The following SMG9 variants were observed in gnomAD, a reference collection of about 807,000 sequenced individuals.
The protein encoded by SMG9 is SMG9 nonsense mediated mRNA decay factor, also known as nonsense-mediated mRNA decay factor SMG9.
Under a neutral mutation model 64.0 loss-of-function variants are expected in SMG9, and 55 were observed. That is an observed-to-expected ratio of 0.86 (90% CI 0.69 to 1.08). The LOEUF (loss-of-function observed/expected upper bound fraction) is 1.08, where lower values mean the gene tolerates loss of function less well. Among genes scored for constraint, SMG9 ranks in the 50% least tolerant of loss-of-function variants. The probability of loss-of-function intolerance (pLI) is 0.00; values close to 1 mark genes in which losing one functional copy is unlikely to be tolerated. For synonymous variants in SMG9, 244 were observed against 254.8 expected, an observed-to-expected ratio of 0.96 and a Z score of 0.41; for missense variants, 554 against 681.3, an observed-to-expected ratio of 0.81 and a Z score of 2.08.
Position 43,731,385 on chromosome 19 carries a change from T to C in SMG9, c.*211A>G. On this transcript the variant is annotated 3_prime_UTR_variant, in exon 14 of 14. Transcript: ENST00000270066. ...GGGCTACCCCATCTCAGGTTTGGGGTGGGATCGCTCACAGTCACCCCCGGA... is the reference window on the plus strand; with the variant it reads ...GGGCTACCCCATCTCAGGTTTGGGGCGGGATCGCTCACAGTCACCCCCGGA... 1 of 1,372,822 alleles carries C rather than the reference T, an allele frequency of 7.3e-7. No individual in the cohort carries two copies. The allele number at this position is 1,372,822 out of a possible 1,614,324, so 85.0% of individuals were successfully genotyped here. A position where few individuals can be genotyped will look rare whatever the true frequency, so the allele number is the denominator to read the frequency against.
At position 43,737,610 on chromosome 19, in the gene SMG9, G is replaced by C; in HGVS notation, c.982C>G (p.Leu328Val). The C allele has an allele frequency of 6.2e-7, 1 of 1,613,774 alleles. No homozygotes were observed. Among genetic ancestry groups the C allele is most frequent in the Non-Finnish European group, 8.5e-7 (1 of 1,179,822 alleles). Residue 328 changes from leucine to valine, a missense_variant, in exon 9 of 14, where the codon CTC becomes GTC. By Grantham distance (32) the Leu-to-Val change is conservative. Coordinates refer to ENST00000270066, the MANE Select transcript of SMG9 (RefSeq NM_019108.4). ...VIVVQDWFTD[L>V]SLYRFLQTAE... ...TCAGCTCCTCACCTGTAGAGACTGA[G>C]GTCTGTGAACCAGTCCTGGACAACA...
intron 5 of SMG9, among the ~76,000 whole-genome samples, chr19:43,746,977 C>T (rs1969032025): frequency 6.6e-6 from 1 of 152,016 alleles, no homozygotes; most frequent in African/African-American, 2.4e-5. Context: ...GCCACCATGC[C>T]TGGCTAATTT....
At chr19:43,738,002 C>T (rs1968729401) in intron 8 of SMG9, 120 bp downstream of exon 8, 2 of 944,230 alleles carry the variant, frequency 2.1e-6, no homozygotes, top group South Asian at 1.4e-5. Context: ...GCCCTTGGGG[C>T]AGCCAGGGCT....
At position 43,728,053 on chromosome 19, in the gene SMG9, A is replaced by G. The variant is rs1968359207; in HGVS notation, c.*3543T>C. The G allele has an allele frequency of 6.6e-6, 1 of 152,206 alleles. No homozygotes were observed. Among genetic ancestry groups the G allele is most frequent in the Non-Finnish European group, 1.5e-5 (1 of 68,030 alleles). The allele number at this position is 152,206 out of a possible 1,614,324, so 9.4% of individuals were successfully genotyped here. ...AGGATTGCAAAATGCTATGTGCCCAATGCAGACCTGGCACCTGTGGATGAT... is the reference window on the plus strand; with the variant it reads ...AGGATTGCAAAATGCTATGTGCCCAGTGCAGACCTGGCACCTGTGGATGAT... On this transcript the variant is annotated 3_prime_UTR_variant, in exon 14 of 14. Coordinates refer to ENST00000270066, the MANE Select transcript of SMG9 (RefSeq NM_019108.4).
Position 43,732,912 on chromosome 19 carries a change from A to G in SMG9, c.1430T>C (p.Val477Ala), listed in dbSNP as rs753467066. 6.2e-7 allele frequency: 1 copy of G among 1,613,882 alleles called. No individual in the cohort carries two copies. The highest frequency in any genetic ancestry group is 1.7e-5 in the Admixed American group (1 of 60,000). The change falls in exon 13 of 14, where the codon GTG (valine) becomes GCG (alanine). Residue 477 changes from valine to alanine, a missense_variant. Coordinates refer to ENST00000270066, the MANE Select transcript of SMG9 (RefSeq NM_019108.4). ...CAGCTGTGGCCGGGCCATGGACATC[A>G]CTTGGCTCCGGAGCTTGCTCACCAA... ...QSLVSKLRSQ[V>A]MSMARPQLSH...
chr19:43,738,087 A>G (rs1289050174), intron 8 of SMG9, 35 bp downstream of exon 8: 27 of 1,595,540 alleles, frequency 1.7e-5, no homozygotes, highest in Non-Finnish European at 2.1e-5. Flanking sequence ...TGGGGATGTA[A>G]AACCTCAGTC....
intron 1 of SMG9, among the ~76,000 whole-genome samples, chr19:43,752,112 C>T (rs1235409337): frequency 2.0e-5 from 3 of 152,216 alleles, no homozygotes; most frequent in Admixed American, 6.5e-5. Flanking sequence ...GGTTCCAACA[C>T]TCAAGGGCCT....
rs1449519525 is a variant in SMG9, at chr19:43,747,722, T to C, written c.401A>G (p.Lys134Arg). Residue 134 changes from lysine (K) to arginine (R), a missense_variant, in exon 4 of 14, where the codon AAG (lysine) becomes AGG (arginine). By Grantham distance (26) the Lys-to-Arg change is conservative. Coordinates refer to ENST00000270066, the MANE Select transcript of SMG9 (RefSeq NM_019108.4). ...PPPPAAPAPP[K>R]GEKEGQRPTQ... ...GGGTCTCTGCCCCTCCTTCTCCCCC[T>C]TGGGTGGCGCAGGGGCTGCAGGGGG... is the stretch of plus-strand genomic sequence containing the variant. The C allele has an allele frequency of 6.2e-7, 1 of 1,611,238 alleles. No individual in the cohort carries two copies. Among genetic ancestry groups the C allele is most frequent in the African/African-American group, 1.3e-5 (1 of 74,962 alleles).
At chr19:43,739,333 C>T (rs1200158606) in intron 7 of SMG9, among the ~76,000 whole-genome samples, 2 of 152,240 alleles carry the variant, frequency 1.3e-5, no homozygotes, top group African/African-American at 2.4e-5. Flanking sequence ...TGCACTGAAA[C>T]CTCACAAAAC....
intron 9 of SMG9, among the ~76,000 whole-genome samples, chr19:43,735,108 T>G (rs1424153613): frequency 6.6e-6 from 1 of 152,236 alleles, no homozygotes; most frequent in Non-Finnish European, 1.5e-5. Flanking sequence ...ACTGTCTGTA[T>G]AGTTGGAATT....
In SMG9 at chr19:43,728,901, G is replaced by C. The variant is rs1285209839; in HGVS notation, c.*2695C>G. On this transcript the variant is annotated 3_prime_UTR_variant, in exon 14 of 14. Transcript: ENST00000270066. ...AGCGTGAGTTCCACCTGCTGGGAAT[G>C]ATGAAGGGACTGGAGAGCCACAAGC... The C allele has an allele frequency of 9.0e-6, 7 of 775,998 alleles. No individual in the cohort carries two copies. The East Asian group carries it at 8.9e-4, about 99-fold the overall frequency. 48.1% of individuals were successfully genotyped at this position (775,998 alleles called of 1,614,324 possible).
chr19:43,740,137 G>C lies in SMG9; in HGVS notation c.783C>G (p.Thr261=). The C allele has an allele frequency of 6.2e-7, 1 of 1,613,970 alleles. No homozygotes were observed. Among genetic ancestry groups the C allele is most frequent in the Non-Finnish European group, 8.5e-7 (1 of 1,179,860 alleles). ...TGTCCAGGAAAACAATCCGTTCTTG[G>C]GTAATAAAGAAGTCGATGCCACTGG... ...NQTSGIDFFI[T]QERIVFLDTQ... Residue 261 remains threonine, a synonymous_variant, in exon 7 of 14, where the codon ACC becomes ACG. Transcript: ENST00000270066.
chr19:43,747,018 A>G (rs968890200), intron 5 of SMG9, among the ~76,000 whole-genome samples: 1 of 151,930 alleles, frequency 6.6e-6, no homozygotes, highest in African/African-American at 2.4e-5. Flanking sequence ...GAGTATTCCT[A>G]TGTTGCCCAG....
At chr19:43,735,416 G>A (rs932329221) in intron 9 of SMG9, among the ~76,000 whole-genome samples, 2 of 151,972 alleles carry the variant, frequency 1.3e-5, no homozygotes, top group African/African-American at 2.4e-5. Context: ...TCAGGAGTTC[G>A]AGACCAGCCT....
At chr19:43,748,705 ATCTGAG>A (rs1358954537) in intron 2 of SMG9, 2 of 520,020 alleles carry the variant, frequency 3.8e-6, no homozygotes, top group African/African-American at 1.9e-5. Context: ...GAGGGGAGAA[ATCTGAG>A]TCTGAGTCCC....
Position 43,734,506 on chromosome 19 carries a change from G to C in SMG9, c.996-11C>G. Reference sequence around the variant, plus strand: ...GCTGTCTGCAGGAACCTTGGGGTTTGGGGTGAGTGGCTGTTGCTCTTGCAC... The same window carrying C: ...GCTGTCTGCAGGAACCTTGGGGTTTCGGGTGAGTGGCTGTTGCTCTTGCAC... On this transcript the variant is annotated splice_polypyrimidine_tract_variant and intron_variant, in intron 9 of 13. Transcript: ENST00000270066. The C allele has an allele frequency of 6.5e-7, 1 of 1,544,526 alleles. No individual in the cohort carries two copies. The highest frequency in any genetic ancestry group is 8.8e-7 in the Non-Finnish European group (1 of 1,140,536).
At chr19:43,740,776 T>C (rs1968822945) in intron 6 of SMG9, among the ~76,000 whole-genome samples, 1 of 151,994 alleles carries the variant, frequency 6.6e-6, no homozygotes, top group African/African-American at 2.4e-5. Context: ...TTGGGTCTTG[T>C]TCCCAGCATC....
chr19:43,731,453 A>G lies in SMG9; in HGVS notation c.*143T>C, dbSNP rs1968481555. 32 of 1,477,220 alleles carry G rather than the reference A, an allele frequency of 2.2e-5. 2 individuals carry two copies. The South Asian group carries it at 4.4e-4, about 20-fold the overall frequency. The allele number at this position is 1,477,220 out of a possible 1,614,324, so 91.5% of individuals were successfully genotyped here. On this transcript the variant is annotated 3_prime_UTR_variant, in exon 14 of 14. Coordinates refer to ENST00000270066, the MANE Select transcript of SMG9 (RefSeq NM_019108.4). ...TGGGGGGCCTGGCCCTGGACACCTCATGTCTCTGGGCCGGGAAGCCACGAT... is the reference window on the plus strand; with the variant it reads ...TGGGGGGCCTGGCCCTGGACACCTCGTGTCTCTGGGCCGGGAAGCCACGAT...
At position 43,747,768 on chromosome 19, in the gene SMG9, G is replaced by T. The variant is rs1190911710; in HGVS notation, c.355C>A (p.Pro119Thr). The T allele has an allele frequency of 1.9e-6, 3 of 1,608,808 alleles. No individual in the cohort carries two copies. In the South Asian group the frequency reaches 3.3e-5, roughly 18 times the overall value. Residue 119 changes from proline to threonine, a missense_variant, in exon 4 of 14, where the codon CCT becomes ACT. Physicochemically the swap from Pro to Thr is conservative, Grantham distance 38. Coordinates refer to ENST00000270066, the MANE Select transcript of SMG9 (RefSeq NM_019108.4). The part of the protein sequence containing the change: ...GPVAVTGAST[P>T]EGTAPPPPAA... ...GGGGGTGGTGGGGCGGTGCCCTCAG[G>T]GGTAGAGGCACCTGTCACGGCCACA...
Sources: allele counts gnomAD v4.1 joint callset (sites outside exome capture counted in the v4.1 genomes callset), GRCh38; gene constraint gnomAD v4.1.1; transcripts MANE v1.5; gene names NCBI Gene and HGNC (gene_info 2026-07-23, HGNC 2026-07-21).